ADGRL2: variants seen among roughly 807,000 people sequenced by gnomAD.
ADGRL2 encodes the protein adhesion G protein-coupled receptor L2.
ADGRL2 carries 44 observed loss-of-function variants against 157.4 expected under a neutral mutation model. The observed-to-expected ratio is 0.28, with a 90% CI of 0.22 to 0.36. The LOEUF (loss-of-function observed/expected upper bound fraction) is 0.36, where lower values mean the gene tolerates loss of function less well. Ranked by LOEUF, ADGRL2 falls within the 10% of genes least tolerant of loss-of-function variation. ADGRL2 has a pLI of 1.00. For missense variants in ADGRL2, 1,510 were observed against 1,768.9 expected (o/e 0.85, Z 2.63); for synonymous variants, 585 against 624.7 (o/e 0.94, Z 0.95).
At chr1:81,971,669 A>G (rs1275792687) in intron 16 of ADGRL2, among the ~76,000 whole-genome samples, 183 bp from the exon 17 acceptor site, 2 of 125,902 alleles carry the variant, frequency 1.6e-5, no homozygotes, top group Non-Finnish European at 3.3e-5. Flanking sequence ...AAGTAAATAA[A>G]TTATTTTCCT....
intron 2 of ADGRL2, among the ~76,000 whole-genome samples, chr1:81,480,156 A>C (rs560740545): frequency 6.6e-6 from 1 of 152,180 alleles, no homozygotes; most frequent in African/African-American, 2.4e-5. Context: ...AGAAACAAGA[A>C]ACAAGGGCAA....
intron 1 of ADGRL2, among the ~76,000 whole-genome samples, chr1:81,719,131 G>T (rs963483281): frequency 1.3e-5 from 2 of 152,152 alleles, no homozygotes; most frequent in Non-Finnish European, 2.9e-5. Context: ...TGTAATAATG[G>T]GTTCTTTAAA....
intron 2 of ADGRL2, among the ~76,000 whole-genome samples, chr1:81,477,221 G>A (rs1243208634): frequency 2.0e-5 from 3 of 152,174 alleles, no homozygotes; most frequent in Non-Finnish European, 2.9e-5. Context: ...TTTTACAGAT[G>A]AGGAAATGGA....
At chr1:81,747,058 A>G (rs2085298921) in intron 1 of ADGRL2, among the ~76,000 whole-genome samples, 1 of 147,164 alleles carries the variant, frequency 6.8e-6, no homozygotes, top group African/African-American at 2.5e-5. Context: ...ATACGTATAT[A>G]CACATGTGTA....
intron 3 of ADGRL2, chr1:81,586,163 A>C (rs969425611): frequency 6.6e-6 from 1 of 152,070 alleles, no homozygotes; most frequent in Admixed American, 6.6e-5. Context: ...GTATAATCCA[A>C]ATCTATATAT....
intron 1 of ADGRL2, among the ~76,000 whole-genome samples, chr1:81,388,304 A>G (rs2076474080): frequency 6.6e-6 from 1 of 152,152 alleles, no homozygotes; most frequent in Non-Finnish European, 1.5e-5. Context: ...GAGAGAATAT[A>G]TGTTGATTTC....
intron 10 of ADGRL2, among the ~76,000 whole-genome samples, chr1:81,954,190 A>G (rs537686256): frequency 4.6e-5 from 7 of 151,618 alleles, no homozygotes; most frequent in South Asian, 2.1e-4. Context: ...CCCAGGACAT[A>G]CATCGCAGTT....
Position 81,448,844 on chromosome 1 carries a change from C to T in ADGRL2, c.-248+3755C>T, listed in dbSNP as rs76058138. On this transcript the variant is annotated intron_variant, in intron 2 of 24. Transcript: ENST00000370721. ...GATATTTGGAGACTATTTTTCTTAC[C>T]ATTTAACTAATTTTACTAGGGGGAT... Among the ~76,000 whole-genome samples, 3 of 152,112 alleles carry T rather than the reference C, an allele frequency of 2.0e-5. No individual in the cohort carries two copies. In the East Asian group the frequency reaches 5.8e-4, roughly 29 times the overall value.
chr1:81,575,005 A>G (rs549817275), intron 2 of ADGRL2, among the ~76,000 whole-genome samples: 1 of 152,292 alleles, frequency 6.6e-6, no homozygotes, highest in Non-Finnish European at 1.5e-5. Flanking sequence ...ACATAAAACT[A>G]TGGCATTATA....
At chr1:81,437,866 C>A (rs371259577) in intron 1 of ADGRL2, among the ~76,000 whole-genome samples, 1 of 152,052 alleles carries the variant, frequency 6.6e-6, no homozygotes, top group Non-Finnish European at 1.5e-5. Flanking sequence ...AGCTTTGATT[C>A]GAGTTATAAA....
At chr1:81,963,896 A>G (rs1224364158) in intron 11 of ADGRL2, among the ~76,000 whole-genome samples, 1 of 151,156 alleles carries the variant, frequency 6.6e-6, no homozygotes, top group African/African-American at 2.4e-5. Flanking sequence ...AAAATTCAGT[A>G]TGTATTTATC....
chr1:81,450,891 T>C (rs959073461), intron 2 of ADGRL2, among the ~76,000 whole-genome samples: 3 of 152,138 alleles, frequency 2.0e-5, no homozygotes, highest in African/African-American at 7.2e-5. Context: ...TAAAAATCAA[T>C]CTGACTGTAA....
At chr1:81,969,724 T>G (rs1658167441) in intron 15 of ADGRL2, among the ~76,000 whole-genome samples, 1 of 152,176 alleles carries the variant, frequency 6.6e-6, no homozygotes, top group Non-Finnish European at 1.5e-5. Flanking sequence ...TGATCCTTTC[T>G]TTGTATTCAT....
At chr1:81,988,620 A>G (rs1424677467) in intron 23 of ADGRL2, among the ~76,000 whole-genome samples, 1 of 152,216 alleles carries the variant, frequency 6.6e-6, no homozygotes, top group Non-Finnish European at 1.5e-5. Context: ...TCAGTTTTTC[A>G]GATGTAGAAG....
chr1:81,421,078 C>T (rs1313136462), intron 1 of ADGRL2, among the ~76,000 whole-genome samples: 1 of 152,128 alleles, frequency 6.6e-6, no homozygotes, highest in Admixed American at 6.5e-5. Context: ...AGCAAATATT[C>T]CACAGTGGAA....
chr1:81,550,246 A>G (rs1438815373), intron 2 of ADGRL2, among the ~76,000 whole-genome samples: 1 of 152,194 alleles, frequency 6.6e-6, no homozygotes, highest in Admixed American at 6.5e-5. Context: ...TTACTTTTGT[A>G]TAATTCTTAA....
intron 2 of ADGRL2, among the ~76,000 whole-genome samples, chr1:81,556,573 A>C (rs1289102236): frequency 6.6e-6 from 1 of 152,070 alleles, no homozygotes; most frequent in Non-Finnish European, 1.5e-5. Context: ...CCATTAAAGA[A>C]ACTGTGTTGT....
intron 1 of ADGRL2, among the ~76,000 whole-genome samples, chr1:81,414,644 C>T (rs940170257): frequency 2.0e-5 from 3 of 152,150 alleles, no homozygotes; most frequent in Non-Finnish European, 4.4e-5. Context: ...GATCTCCGAA[C>T]GTGCTCTTTG....
chr1:81,710,423 A>G (rs1268222508), intron 1 of ADGRL2, among the ~76,000 whole-genome samples: 1 of 151,998 alleles, frequency 6.6e-6, no homozygotes, highest in Non-Finnish European at 1.5e-5. Context: ...GTTCGAGACC[A>G]GCCTGGCCAA....
Sources: allele counts gnomAD v4.1 joint callset (sites outside exome capture counted in the v4.1 genomes callset), GRCh38; gene constraint gnomAD v4.1.1; transcripts MANE v1.5; gene names NCBI Gene and HGNC (gene_info 2026-07-23, HGNC 2026-07-21).